NSMCE2: variants seen among roughly 807,000 people sequenced by gnomAD.
NSMCE2 encodes E3 SUMO-protein ligase NSE2.
NSMCE2 carries 24 observed loss-of-function variants against 23.8 expected under a neutral mutation model. That is an observed-to-expected ratio of 1.01 (90% confidence interval 0.73 to 1.42). The LOEUF (loss-of-function observed/expected upper bound fraction) is 1.42. Ranked by LOEUF, NSMCE2 falls within the 40% of genes most tolerant of loss-of-function variation. The pLI, the probability that NSMCE2 is intolerant of heterozygous loss-of-function variation, is 0.00. For synonymous variants in NSMCE2, 92 were observed against 94.1 expected (o/e 0.98, Z 0.13); for missense variants, 284 against 296.5 (o/e 0.96, Z 0.31).
chr8:125,112,522 C>T (rs151316941), intron 3 of NSMCE2, among the ~76,000 whole-genome samples: 1,548 of 152,078 alleles, frequency 0.01, 23 homozygotes, highest in Middle Eastern at 0.024. Flanking sequence ...ATAAAGAAAA[C>T]TGTGCTGTGT....
intron 5 of NSMCE2, among the ~76,000 whole-genome samples, chr8:125,304,866 C>T (rs1173050307): frequency 7.7e-6 from 1 of 129,706 alleles, no homozygotes; most frequent in Admixed American, 8.7e-5. Flanking sequence ...TCAGCCTGGG[C>T]AACAGAGCCA....
At chr8:125,361,335 T>C (rs1813544019) in intron 7 of NSMCE2, among the ~76,000 whole-genome samples, 1 of 152,226 alleles carries the variant, frequency 6.6e-6, no homozygotes, top group African/African-American at 2.4e-5. Context: ...CCCAACCTTA[T>C]GATTTTCATA....
rs1458499457 is a variant in NSMCE2, at chr8:125,366,525, A to C, written c.627-243A>C. Among the ~76,000 whole-genome samples, 64 of 151,596 alleles carry C rather than the reference A, an allele frequency of 4.2e-4. 1 individual carries two copies. The highest frequency in any genetic ancestry group is 4.1e-3 in the Admixed American group (63 of 15,204). On this transcript the variant is annotated intron_variant, in intron 7 of 7. Transcript: ENST00000287437. ...ACTGCACTCCAGACTCCGTCTCAGA[A>C]AAAAAAAAGAAAGTTAGCTCATGAT...
chr8:125,117,684 T>G (rs960608016), intron 3 of NSMCE2, among the ~76,000 whole-genome samples: 2 of 152,088 alleles, frequency 1.3e-5, no homozygotes, highest in African/African-American at 4.8e-5. Flanking sequence ...CCCAGCTAAT[T>G]TTTTTATTAT....
chr8:125,283,673 A>G (rs1416143867), intron 5 of NSMCE2, among the ~76,000 whole-genome samples: 4 of 152,232 alleles, frequency 2.6e-5, no homozygotes, highest in Admixed American at 6.5e-5. Flanking sequence ...AGACACATAA[A>G]GCAATGCACA....
At chr8:125,180,168 G>A (rs1193803235) in intron 4 of NSMCE2, among the ~76,000 whole-genome samples, 4 of 152,136 alleles carry the variant, frequency 2.6e-5, no homozygotes, top group Non-Finnish European at 5.9e-5. Flanking sequence ...GCTAGTCACC[G>A]TGTATAATAG....
intron 5 of NSMCE2, among the ~76,000 whole-genome samples, chr8:125,356,230 G>C (rs1241571757): frequency 2.1e-5 from 3 of 145,724 alleles, no homozygotes; most frequent in Non-Finnish European, 4.6e-5. Context: ...GTATGTCTGT[G>C]TGTATGGGGG....
chr8:125,298,687 G>GTTTTTTGTTTTTTTTTTTTTTTT (rs1828425895), intron 5 of NSMCE2, among the ~76,000 whole-genome samples: 1 of 85,954 alleles, frequency 1.2e-5, no homozygotes. Flanking sequence ...TCATCTGTGG[G>GTTTTTTGTTTTTTTTTTTTTTTT]TTTTTTTTTG....
chr8:125,357,405 T>G, intron 6 of NSMCE2, 86 bp downstream of exon 6: 1 of 962,144 alleles, frequency 1.0e-6, no homozygotes, highest in South Asian at 1.4e-5. Context: ...TGGTTTGATT[T>G]CACTTAGGGA....
At chr8:125,363,542 A>AAG (rs143065139) in intron 7 of NSMCE2, among the ~76,000 whole-genome samples, 4,670 of 103,000 alleles carry the variant, frequency 0.045, 107 homozygotes, top group African/African-American at 0.063. Context: ...GAAAGAAAGA[A>AAG]AGAGAGAGAG....
In NSMCE2 at chr8:125,095,555, T is replaced by C. The variant is rs957993966; in HGVS notation, c.-111+3597T>C. On this transcript the variant is annotated intron_variant, in intron 1 of 7. Coordinates refer to ENST00000287437, the MANE Select transcript of NSMCE2 (RefSeq NM_173685.4). ...GCTGTAGCGAGCATGATCATGTCAC[T>C]GCACTCCAGCCTGGGTGACAGAACA... Among the ~76,000 whole-genome samples, 14 of 152,168 alleles carry C rather than the reference T, an allele frequency of 9.2e-5. No homozygotes were observed. The East Asian group carries it at 9.7e-4, about 11-fold the overall frequency.
At chr8:125,316,892 C>A (rs1357452511) in intron 5 of NSMCE2, among the ~76,000 whole-genome samples, 1 of 152,016 alleles carries the variant, frequency 6.6e-6, no homozygotes, top group African/African-American at 2.4e-5. Context: ...AATTCTTGCA[C>A]CTCAGCCCCC....
intron 5 of NSMCE2, among the ~76,000 whole-genome samples, chr8:125,239,121 T>C (rs1371268072): frequency 6.6e-6 from 1 of 152,130 alleles, no homozygotes; most frequent in Non-Finnish European, 1.5e-5. Flanking sequence ...TTTGGCAAGG[T>C]TGGTTTCATG....
At chr8:125,328,089 A>T (rs979136223) in intron 5 of NSMCE2, among the ~76,000 whole-genome samples, 1 of 150,272 alleles carries the variant, frequency 6.7e-6, no homozygotes, top group Non-Finnish European at 1.5e-5. Context: ...AGTACTGGCC[A>T]TTTTTCCAGG....
intron 4 of NSMCE2, among the ~76,000 whole-genome samples, chr8:125,172,165 G>A (rs1054050298): frequency 3.3e-5 from 5 of 152,172 alleles, no homozygotes; most frequent in South Asian, 4.1e-4. Flanking sequence ...TAAAGACCTA[G>A]ATAATCTGGT....
At chr8:125,225,460 A>C (rs1046332688) in intron 5 of NSMCE2, among the ~76,000 whole-genome samples, 2 of 152,160 alleles carry the variant, frequency 1.3e-5, no homozygotes, top group African/African-American at 4.8e-5. Flanking sequence ...GGCTTTGTCT[A>C]AGTTCCTGAG....
chr8:125,092,356 AATG>A (rs1817703668), intron 1 of NSMCE2, among the ~76,000 whole-genome samples: 1 of 152,192 alleles, frequency 6.6e-6, no homozygotes, highest in Admixed American at 6.5e-5. Flanking sequence ...GTGACCGAGA[AATG>A]ATGATGTCTG....
Position 125,198,629 on chromosome 8 carries a change from A to G in NSMCE2, c.418+16373A>G, listed in dbSNP as rs199724639. ...GGATTTTCACATCGATGTTCATCAG[A>G]GATATTGGTCTAAAATTCTCTTTTT... On this transcript the variant is annotated intron_variant, in intron 5 of 7. Transcript: ENST00000287437. Among the ~76,000 whole-genome samples, 5 of 152,058 alleles carry G rather than the reference A, an allele frequency of 3.3e-5. No homozygotes were observed. In the South Asian group the frequency reaches 8.3e-4, roughly 25 times the overall value.
chr8:125,277,756 C>T (rs1827525982), intron 5 of NSMCE2, among the ~76,000 whole-genome samples: 1 of 152,174 alleles, frequency 6.6e-6, no homozygotes, highest in East Asian at 1.9e-4. Context: ...CCTTGTGATC[C>T]ACCTGCCTCG....
Sources: gnomAD v4.1 joint callset for allele counts (sites outside exome capture counted in the v4.1 genomes callset) on GRCh38, gnomAD v4.1.1 for gene constraint, MANE v1.5 for transcripts, NCBI Gene and HGNC (gene_info 2026-07-23, HGNC 2026-07-21) for gene names.